The following RNGTT variants were observed in gnomAD, a reference collection of about 807,000 sequenced individuals.
RNGTT encodes mRNA-capping enzyme.
In RNGTT, 33 loss-of-function variants were observed where a neutral mutation model predicts 79.3. That is an observed-to-expected ratio of 0.42 (90% CI 0.32 to 0.56). RNGTT has a LOEUF of 0.56. Ranked by LOEUF, RNGTT falls within the 20% of genes least tolerant of loss-of-function variation. RNGTT has a pLI of 0.17. For synonymous variants in RNGTT, 222 were observed against 235.9 expected (o/e 0.94, Z 0.54); for missense variants, 497 against 739.1 (o/e 0.67, Z 3.80).
At chr6:88,864,704 T>C (rs1582557893) in intron 8 of RNGTT, among the ~76,000 whole-genome samples, 1 of 152,060 alleles carries the variant, frequency 6.6e-6, no homozygotes, top group East Asian at 1.9e-4. Flanking sequence ...CAAGTATCCA[T>C]GGAGGGATGA....
chr6:88,645,536 G>T (rs1200392191), intron 14 of RNGTT, among the ~76,000 whole-genome samples: 1 of 152,154 alleles, frequency 6.6e-6, no homozygotes, highest in Non-Finnish European at 1.5e-5. Context: ...AAAAGAGCCT[G>T]CATTGTCAAG....
chr6:88,613,528 T>C (rs897652137), intron 15 of RNGTT, among the ~76,000 whole-genome samples: 2 of 152,244 alleles, frequency 1.3e-5, no homozygotes, highest in Non-Finnish European at 2.9e-5. Context: ...ACTTTTAAAC[T>C]GCAAAGCTGA....
chr6:88,695,037 A>C (rs988545314), intron 13 of RNGTT, among the ~76,000 whole-genome samples: 3 of 152,310 alleles, frequency 2.0e-5, no homozygotes, highest in African/African-American at 7.2e-5. Context: ...CAAAGACTTA[A>C]ATGTAAGATC....
intron 2 of RNGTT, among the ~76,000 whole-genome samples, chr6:88,931,982 C>T (rs1026699790): frequency 1.3e-5 from 2 of 152,074 alleles, no homozygotes; most frequent in African/African-American, 4.8e-5. Context: ...CAGCAATGTT[C>T]AGGGAACAAG....
chr6:88,883,433 T>C (rs1006895739), intron 8 of RNGTT, among the ~76,000 whole-genome samples: 3 of 152,106 alleles, frequency 2.0e-5, no homozygotes, highest in Non-Finnish European at 2.9e-5. Flanking sequence ...ACATTTAAAA[T>C]AAGCCTTCTG....
intron 15 of RNGTT, 42 bp from the exon 16 acceptor site, chr6:88,612,924 A>C: frequency 6.3e-7 from 1 of 1,583,228 alleles, no homozygotes. Context: ...GGGTTAATTA[A>C]GGCAGCTGAC....
chr6:88,854,497 A>C (rs1317998275), intron 8 of RNGTT, among the ~76,000 whole-genome samples: 7 of 152,210 alleles, frequency 4.6e-5, no homozygotes, highest in Non-Finnish European at 1.0e-4. Context: ...AATAGAAAAA[A>C]GCAGTGAAAA....
chr6:88,610,173 T>C lies in RNGTT; in HGVS notation c.*2546A>G, dbSNP rs1324094378. 1 of 152,624 alleles carries C rather than the reference T, an allele frequency of 6.6e-6. No individual in the cohort carries two copies. Among genetic ancestry groups the C allele is most frequent in the Non-Finnish European group, 1.5e-5 (1 of 68,056 alleles). 9.5% of individuals were successfully genotyped at this position (152,624 alleles called of 1,614,324 possible). On this transcript the variant is annotated 3_prime_UTR_variant, in exon 16 of 16. Transcript: ENST00000369485. ...TTATGCTAATCTCTACAAAGCCAGATGGATTACACTGGGTGTGGCTGACAG... is the reference window on the plus strand; with the variant it reads ...TTATGCTAATCTCTACAAAGCCAGACGGATTACACTGGGTGTGGCTGACAG...
In RNGTT at chr6:88,963,328, C is replaced by A. The variant is rs761096631; in HGVS notation, c.64+18G>T. The A allele has an allele frequency of 2.4e-5, 39 of 1,611,284 alleles. 1 individual carries two copies. In the South Asian group the frequency reaches 4.3e-4, roughly 18 times the overall value. On this transcript the variant is annotated intron_variant, in intron 1 of 15. Coordinates refer to ENST00000369485, the MANE Select transcript of RNGTT (RefSeq NM_003800.5). ...ACGTTGGAGTGTGGGGATTCGAACG[C>A]CCCCCAGTCCAGGTTACCTGCCACC...
At chr6:88,666,703 T>C (rs552142649) in intron 14 of RNGTT, among the ~76,000 whole-genome samples, 84 of 152,248 alleles carry the variant, frequency 5.5e-4, no homozygotes, top group African/African-American at 1.9e-3. Context: ...CTGGGAGCTG[T>C]ATGTGGACGG....
chr6:88,671,216 T>C lies in RNGTT; in HGVS notation c.1506+7137A>G, dbSNP rs147949598. ...ATACCTAGAAAACCCTAAAGACTTA[T>C]CCAAAAAGCTCCTAGATCTGATAAA... On this transcript the variant is annotated intron_variant, in intron 14 of 15. Transcript: ENST00000369485. Among the ~76,000 whole-genome samples, 1,254 of 152,164 alleles carry C rather than the reference T, an allele frequency of 8.2e-3. 36 individuals carry two copies. In the East Asian group the frequency reaches 0.094, roughly 11 times the overall value.
In RNGTT at chr6:88,904,802, G is replaced by A. The variant is rs139029923; in HGVS notation, c.597C>T (p.Asp199=). Reference sequence around the variant, plus strand: ...TCTTTCCATCCTCATCCTCATCTTCGTCTTCATCATCCTCAAAACACCAAT... The same window carrying A: ...TCTTTCCATCCTCATCCTCATCTTCATCTTCATCATCCTCAAAACACCAAT... ...LPDWCFEDDE[D]EDEDEDGKKE... Residue 199 remains aspartate, a synonymous_variant, in exon 6 of 16, where the codon GAC becomes GAT. Transcript: ENST00000369485. 2.9e-5 allele frequency: 47 copies of A among 1,613,678 alleles called. No individual in the cohort carries two copies. The highest frequency in any genetic ancestry group is 1.6e-4 in the Middle Eastern group (1 of 6,084).
rs139686778 is a variant in RNGTT, at chr6:88,935,742, C to A, written c.174+5329G>T. 8.7e-4 allele frequency among the ~76,000 whole-genome samples: 132 copies of A among 152,056 alleles called. 1 individual carries two copies. The highest frequency in any genetic ancestry group is 3.1e-3 in the African/African-American group (130 of 41,458). On this transcript the variant is annotated intron_variant, in intron 2 of 15. Coordinates refer to ENST00000369485, the MANE Select transcript of RNGTT (RefSeq NM_003800.5). ...ATTTGTTTGTGTTCCATTCAATTTCCTTCATCACTGTTCTAGTTTTCCTTG... is the reference window on the plus strand; with the variant it reads ...ATTTGTTTGTGTTCCATTCAATTTCATTCATCACTGTTCTAGTTTTCCTTG...
intron 4 of RNGTT, among the ~76,000 whole-genome samples, chr6:88,913,318 C>A (rs934203296): frequency 1.3e-5 from 2 of 151,876 alleles, no homozygotes; most frequent in Admixed American, 6.6e-5. Context: ...CTGAAACAAT[C>A]CCCAAAAATT....
chr6:88,758,773 T>A (rs896936523), intron 13 of RNGTT, among the ~76,000 whole-genome samples: 1 of 152,210 alleles, frequency 6.6e-6, no homozygotes, highest in Admixed American at 6.5e-5. Context: ...TTATAAGCAA[T>A]CCACAGAAAG....
At chr6:88,646,864 G>A (rs1269511081) in intron 14 of RNGTT, among the ~76,000 whole-genome samples, 5 of 151,834 alleles carry the variant, frequency 3.3e-5, no homozygotes, top group Non-Finnish European at 7.4e-5. Context: ...GAGTGGGGAG[G>A]GATAGCATTA....
intron 13 of RNGTT, among the ~76,000 whole-genome samples, chr6:88,712,624 T>C (rs191195958): frequency 5.3e-5 from 8 of 152,346 alleles, no homozygotes; most frequent in Admixed American, 3.9e-4. Context: ...ACTTTAGTTT[T>C]ATTATAGGCA....
At chr6:88,847,048 A>G (rs145026139) in intron 10 of RNGTT, among the ~76,000 whole-genome samples, 1 of 152,204 alleles carries the variant, frequency 6.6e-6, no homozygotes, top group Admixed American at 6.5e-5. Flanking sequence ...CACATATCCT[A>G]ACAAATACAT....
In RNGTT at chr6:88,963,521, T is replaced by G; in HGVS notation, c.-112A>C. The G allele has an allele frequency of 9.8e-7, 1 of 1,022,652 alleles. No individual in the cohort carries two copies. The highest frequency in any genetic ancestry group is 1.4e-6 in the Non-Finnish European group (1 of 732,238). 63.3% of individuals were successfully genotyped at this position (1,022,652 alleles called of 1,614,324 possible). Reference sequence around the variant, plus strand: ...GTCCGAGACACCCGAATCGCAGCCGTAATCTGAATTCCAACCTCTCCGATC... The same window carrying G: ...GTCCGAGACACCCGAATCGCAGCCGGAATCTGAATTCCAACCTCTCCGATC... On this transcript the variant is annotated 5_prime_UTR_variant, in exon 1 of 16. Transcript: ENST00000369485.
Sources: gnomAD v4.1 joint callset for allele counts (sites outside exome capture counted in the v4.1 genomes callset) on GRCh38, gnomAD v4.1.1 for gene constraint, MANE v1.5 for transcripts, NCBI Gene and HGNC (gene_info 2026-07-23, HGNC 2026-07-21) for gene names.